Variants in IRAG2 observed in about 807,000 individuals in gnomAD.
The protein encoded by IRAG2 is lymphoid restricted membrane protein.
A neutral mutation model predicts 69.9 loss-of-function variants in IRAG2; 45 were observed. The observed-to-expected ratio is 0.64, with a 90% CI of 0.51 to 0.83. IRAG2 has a LOEUF of 0.83. Ranked by LOEUF, IRAG2 falls within the 40% of genes least tolerant of loss-of-function variation. The pLI is 0.00. For synonymous variants in IRAG2, 193 were observed against 202.4 expected (o/e 0.95, Z 0.40); for missense variants, 520 against 587.0 (o/e 0.89, Z 1.18).
At chr12:25,035,511 A>G (rs1944696303) in intron 13 of IRAG2, 1 of 395,942 alleles carries the variant, frequency 2.5e-6, no homozygotes, top group African/African-American at 2.1e-5. Flanking sequence ...CTTTTTTAGG[A>G]TGTAGGAGAA....
chr12:25,101,188 T>A lies in IRAG2; in HGVS notation c.752T>A (p.Val251Asp), dbSNP rs1405863590. The change falls in exon 16 of 22, where the codon GTT becomes GAT. Residue 251 changes from valine (V) to aspartate (D), a missense_variant. Coordinates refer to ENST00000556887, the MANE Select transcript of IRAG2 (RefSeq NM_001366544.2). ...TTTTTCTCTTGCTAGGAAAGCCGGG[T>A]TAGTAAAGCAGTTGAAGTGATGATT... ...MLGAINQESR[V>D]SKAVEVMIQH... is the part of the protein sequence containing the mutation. 1 of 1,598,794 alleles carries A rather than the reference T, an allele frequency of 6.3e-7. No homozygotes were observed.
chr12:25,012,428 T>C (rs1944484101), intron 3 of IRAG2, among the ~76,000 whole-genome samples: 1 of 151,898 alleles, frequency 6.6e-6, no homozygotes, highest in South Asian at 2.1e-4. Flanking sequence ...GTGCTGGGAT[T>C]ACAGGTGTGA....
chr12:25,076,564 C>T (rs1461119242), intron 6 of IRAG2: 4 of 984,258 alleles, frequency 4.1e-6, no homozygotes, highest in Non-Finnish European at 4.8e-6. Context: ...AAACTGGAAA[C>T]TGGCATAATG....
At chr12:25,066,602 G>A (rs913821626) in intron 5 of IRAG2, 90 bp downstream of exon 5, 90 of 397,212 alleles carry the variant, frequency 2.3e-4, no homozygotes, top group Admixed American at 2.7e-4. Context: ...TTTTCATAAC[G>A]TGAGATCACA....
At chr12:25,050,918 TA>T (rs1205266228), upstream of IRAG2, among the ~76,000 whole-genome samples, 4 of 152,238 alleles carry the variant, frequency 2.6e-5, no homozygotes, top group African/African-American at 9.6e-5. Context: ...CTGAGGTATC[TA>T]AAATAGTTAA....
intron 15 of IRAG2, 129 bp from the exon 16 acceptor site, chr12:25,101,049 T>TAA: frequency 2.6e-5 from 16 of 606,258 alleles, no homozygotes; most frequent in African/African-American, 4.0e-5. Context: ...CATGTCTTTT[T>TAA]AAAAAAAAAA....
At chr12:25,052,365 G>C (rs1353872109), upstream of IRAG2, 1 of 398,680 alleles carries the variant, frequency 2.5e-6, no homozygotes, top group Non-Finnish European at 4.4e-6. Flanking sequence ...GTGGCTCATG[G>C]CTACATTAGA....
intron 18 of IRAG2, 31 bp downstream of exon 18, chr12:25,103,930 A>G: frequency 6.2e-7 from 1 of 1,606,204 alleles, no homozygotes; most frequent in Non-Finnish European, 8.5e-7. Context: ...TCTTAGTCAA[A>G]GGTAAATTCA....
chr12:25,103,773 G>T, intron 17 of IRAG2, 64 bp from the exon 18 acceptor site: 1 of 1,115,854 alleles, frequency 9.0e-7, no homozygotes, highest in South Asian at 1.3e-5. Flanking sequence ...GATATTTATT[G>T]GTGTTGCATA....
chr12:25,035,605 T>C (rs1944696786), intron 13 of IRAG2: 1 of 398,670 alleles, frequency 2.5e-6, no homozygotes, highest in African/African-American at 2.1e-5. Context: ...AAGTAATGAA[T>C]GTTCTTTATT....
rs1194589766 is a variant in IRAG2, at chr12:25,101,930, T to A, written c.890-268T>A. On this transcript the variant is annotated intron_variant, in intron 16 of 21. Transcript: ENST00000556887. The stretch of plus-strand genomic sequence containing the variant: ...TTCTGAACTGTACTTTTGGATTCCT[T>A]TCTCCAGCAGACACACATGTAGTGC... 5 of 640,478 alleles carry A rather than the reference T, an allele frequency of 7.8e-6. No individual in the cohort carries two copies. In the Admixed American group the frequency reaches 8.3e-5, roughly 11 times the overall value. 39.7% of individuals were successfully genotyped at this position (640,478 alleles called of 1,614,324 possible). A position where few individuals can be genotyped will look rare whatever the true frequency, so the allele number is the denominator to read the frequency against.
intron 15 of IRAG2, 134 bp downstream of exon 15, chr12:25,097,178 C>CAT (rs1451486470): frequency 4.1e-6 from 3 of 729,908 alleles, no homozygotes; most frequent in Non-Finnish European, 6.3e-6. Flanking sequence ...GCGTTTAATA[C>CAT]ATATGTGTTT....
exon 3 of IRAG2, chr12:25,011,396 C>T: frequency 8.1e-7 from 1 of 1,231,654 alleles, no homozygotes; most frequent in South Asian, 4.1e-5. Context: ...CCAAAATAAT[C>T]AATTTCCTGA....
chr12:25,034,237 T>C (rs1944689229), intron 13 of IRAG2, among the ~76,000 whole-genome samples: 1 of 152,172 alleles, frequency 6.6e-6, no homozygotes, highest in South Asian at 2.1e-4. Context: ...CTGCCCTGAT[T>C]CCCCAGCCTG....
rs78717306 is a variant in IRAG2 at position 25,076,728 on chromosome 12, C to A, written c.25-2516C>A. The A allele has an allele frequency of 2.2e-3, 1,028 of 463,336 alleles. 11 individuals carry two copies. The highest frequency in any genetic ancestry group is 0.02 in the African/African-American group (956 of 47,502). The allele number at this position is 463,336 out of a possible 1,614,324, so 28.7% of individuals were successfully genotyped here. A position where few individuals can be genotyped will look rare whatever the true frequency, so the allele number is the denominator to read the frequency against. ...TGTTATTTCATGCTACAGATAGTAA[C>A]AATGTGTTTATATGTGTTAGGATAT... On this transcript the variant is annotated intron_variant, in intron 6 of 21. Transcript: ENST00000556887.
intron 3 of IRAG2, among the ~76,000 whole-genome samples, chr12:25,014,135 A>G (rs1183293837): frequency 1.3e-5 from 2 of 151,574 alleles, no homozygotes; most frequent in African/African-American, 4.8e-5. Context: ...TCTGCCTCCC[A>G]AAGTGCTGGG....
chr12:25,020,891 C>A, exon 7 of IRAG2: 1 of 1,229,858 alleles, frequency 8.1e-7, no homozygotes, highest in South Asian at 4.1e-5. Context: ...ATGATTGTAG[C>A]CCAGAGCAAA....
Position 25,014,745 on chromosome 12 carries a change from G to A in IRAG2, c.897-437G>A, listed in dbSNP as rs958614590. On this transcript the variant is annotated intron_variant, in intron 3 of 38. Coordinates refer to the IRAG2 transcript ENST00000636465. ...GTATCCCAAAGTATTCATTGTTCGT[G>A]TATTTCCTTCTCAATCTCTTAAGCC... Among the ~76,000 whole-genome samples the A allele has an allele frequency of 2.6e-5, 4 of 151,816 alleles. No individual in the cohort carries two copies. In the East Asian group the frequency reaches 5.8e-4, roughly 22 times the overall value.
chr12:25,017,167 C>A (rs952175295), exon 6 of IRAG2: 8 of 1,231,756 alleles, frequency 6.5e-6, no homozygotes, highest in Non-Finnish European at 8.1e-6. Flanking sequence ...ACGTAGCAGA[C>A]CTTCATTTCA....
Sources: allele counts gnomAD v4.1 joint callset (sites outside exome capture counted in the v4.1 genomes callset), GRCh38; gene constraint gnomAD v4.1.1; transcripts MANE v1.5; gene names NCBI Gene and HGNC (gene_info 2026-07-23, HGNC 2026-07-21).